Variants in TTC1 observed in about 807,000 individuals in gnomAD.
TTC1 encodes the protein tetratricopeptide repeat domain 1, also known as tetratricopeptide repeat protein 1.
A neutral mutation model predicts 37.6 loss-of-function variants in TTC1; 31 were observed. The observed-to-expected ratio is 0.82, with a 90% CI of 0.62 to 1.11. The LOEUF is 1.11. TTC1 is among the 50% of genes most tolerant of loss of function. TTC1 has a pLI of 0.00. For missense variants in TTC1, 351 were observed against 339.0 expected (o/e 1.04, Z -0.28); for synonymous variants, 127 against 122.4 (o/e 1.04, Z -0.25).
At chr5:160,037,845 G>T (rs1012170954) in intron 4 of TTC1, among the ~76,000 whole-genome samples, 1 of 151,424 alleles carries the variant, frequency 6.6e-6, no homozygotes, top group African/African-American at 2.4e-5. Flanking sequence ...AAGTACAAAG[G>T]ATAGGTTATT....
chr5:160,024,381 C>A (rs1157619036), intron 2 of TTC1, among the ~76,000 whole-genome samples: 1 of 152,176 alleles, frequency 6.6e-6, no homozygotes, highest in East Asian at 1.9e-4. Context: ...AACATTATTA[C>A]AACACTATAA....
rs1373901293 is a variant in TTC1, at chr5:160,045,490, A to T, written c.541+2321A>T. Reference sequence around the variant, plus strand: ...CACACACACACACACACACACACACACACACACACACACACACACACACAT... The same window carrying T: ...CACACACACACACACACACACACACTCACACACACACACACACACACACAT... On this transcript the variant is annotated intron_variant, in intron 5 of 7. Transcript: ENST00000231238. Among the ~76,000 whole-genome samples, 4 of 123,070 alleles carry T rather than the reference A, an allele frequency of 3.3e-5. 1 individual carries two copies. Among genetic ancestry groups the T allele is most frequent in the African/African-American group, 1.3e-4 (4 of 30,432 alleles). 80.7% of individuals were successfully genotyped at this position (123,070 alleles called of 152,430 possible). A position where few individuals can be genotyped will look rare whatever the true frequency, so the allele number is the denominator to read the frequency against.
chr5:160,045,520 A>ACACACT (rs1202139318), intron 5 of TTC1, among the ~76,000 whole-genome samples: 54 of 54,900 alleles, frequency 9.8e-4, no homozygotes, highest in Non-Finnish European at 1.2e-3. Flanking sequence ...ACACATACAC[A>ACACACT]CTCTCTCTCT....
chr5:160,049,400 A>G (rs999238896), intron 5 of TTC1, 114 bp from the exon 6 acceptor site: 12 of 1,054,670 alleles, frequency 1.1e-5, no homozygotes, highest in African/African-American at 1.7e-5. Flanking sequence ...TACACTTGGC[A>G]AATGACTCTT....
intron 6 of TTC1, among the ~76,000 whole-genome samples, chr5:160,050,807 G>A (rs1340773114): frequency 6.6e-6 from 1 of 151,716 alleles, no homozygotes; most frequent in Non-Finnish European, 1.5e-5. Flanking sequence ...TGTATTTCTT[G>A]TAGAGACAGC....
chr5:160,020,535 A>G (rs1756686572), intron 2 of TTC1, among the ~76,000 whole-genome samples: 1 of 152,220 alleles, frequency 6.6e-6, no homozygotes, highest in African/African-American at 2.4e-5. Context: ...CACAGCAGGA[A>G]GTGAGCAGCA....
intron 5 of TTC1, among the ~76,000 whole-genome samples, chr5:160,048,772 G>A (rs1757324805): frequency 6.6e-6 from 1 of 152,030 alleles, no homozygotes; most frequent in Non-Finnish European, 1.5e-5. Context: ...CCAACATAAT[G>A]AAACCCCATC....
At chr5:160,016,645 TC>T (rs992167940) in intron 2 of TTC1, among the ~76,000 whole-genome samples, 5 of 152,326 alleles carry the variant, frequency 3.3e-5, no homozygotes, top group East Asian at 1.9e-4. Context: ...GCTTTTTTTT[TC>T]AGTAAGCCTG....
intron 2 of TTC1, among the ~76,000 whole-genome samples, chr5:160,020,842 T>C (rs1756691639): frequency 6.6e-6 from 1 of 152,194 alleles, no homozygotes; most frequent in Non-Finnish European, 1.5e-5. Flanking sequence ...TTTGATTATA[T>C]ATTACAGTTT....
At chr5:160,032,501 C>G (rs1756928128) in intron 2 of TTC1, among the ~76,000 whole-genome samples, 3 of 152,058 alleles carry the variant, frequency 2.0e-5, no homozygotes, top group African/African-American at 7.2e-5. Flanking sequence ...CTCACTTCAT[C>G]CTCTGATAAC....
chr5:160,020,763 ACCGT>A (rs778513076), intron 2 of TTC1, among the ~76,000 whole-genome samples: 14 of 152,230 alleles, frequency 9.2e-5, no homozygotes, highest in Non-Finnish European at 8.8e-5. Flanking sequence ...CCCAGGTAGG[ACCGT>A]CTAGTTGCAG....
At chr5:160,043,930 C>T (rs1236453085) in intron 5 of TTC1, among the ~76,000 whole-genome samples, 1 of 152,118 alleles carries the variant, frequency 6.6e-6, no homozygotes, top group Non-Finnish European at 1.5e-5. Flanking sequence ...TTTATAGGGA[C>T]ACCTCAGACA....
intron 7 of TTC1, among the ~76,000 whole-genome samples, chr5:160,058,920 G>A (rs192678825): frequency 1.3e-5 from 2 of 152,168 alleles, no homozygotes; most frequent in African/African-American, 2.4e-5. Flanking sequence ...TCAACAATAG[G>A]CTTAAAATGC....
At chr5:160,031,780 C>T (rs370973070) in intron 2 of TTC1, among the ~76,000 whole-genome samples, 4 of 152,020 alleles carry the variant, frequency 2.6e-5, no homozygotes, top group South Asian at 2.1e-4. Flanking sequence ...GATGAGAAGA[C>T]TGCTTGAGCC....
At chr5:160,011,990 T>C (rs923794499) in intron 2 of TTC1, among the ~76,000 whole-genome samples, 8 of 152,182 alleles carry the variant, frequency 5.3e-5, no homozygotes, top group Non-Finnish European at 8.8e-5. Flanking sequence ...TTAGCTTTAA[T>C]GTGAACGTGT....
At chr5:160,034,126 CTTT>C (rs978923159) in intron 2 of TTC1, among the ~76,000 whole-genome samples, 3 of 114,552 alleles carry the variant, frequency 2.6e-5, no homozygotes, top group East Asian at 2.5e-4. Flanking sequence ...GACCCTATCT[CTTT>C]TTTTTTTTTT....
rs556353998 is a variant in TTC1, at chr5:160,013,829, T to A, written c.330+2971T>A. On this transcript the variant is annotated intron_variant, in intron 2 of 7. Coordinates refer to ENST00000231238, the MANE Select transcript of TTC1 (RefSeq NM_003314.3). ...ATCTGATGTTGACAAGGAGAGGATG[T>A]TGGAACTCATATACTAATATTGAGA... Among the ~76,000 whole-genome samples the A allele has an allele frequency of 6.6e-5, 10 of 152,158 alleles. No individual in the cohort carries two copies. In the East Asian group the frequency reaches 9.7e-4, roughly 15 times the overall value.
chr5:160,064,529 C>T (rs1404890672), intron 7 of TTC1, among the ~76,000 whole-genome samples: 3 of 152,210 alleles, frequency 2.0e-5, no homozygotes, highest in East Asian at 1.9e-4. Flanking sequence ...CTTGGAGGGA[C>T]CTCTGCCCTC....
intron 2 of TTC1, among the ~76,000 whole-genome samples, chr5:160,013,222 T>C (rs1159322871): frequency 1.3e-5 from 2 of 152,162 alleles, no homozygotes; most frequent in Non-Finnish European, 2.9e-5. Context: ...GTACTACTCT[T>C]ATTAGGTGTT....
Sources: gnomAD v4.1 joint callset for allele counts (sites outside exome capture counted in the v4.1 genomes callset) on GRCh38, gnomAD v4.1.1 for gene constraint, MANE v1.5 for transcripts, NCBI Gene and HGNC (gene_info 2026-07-23, HGNC 2026-07-21) for gene names.